Variants in FRMD4A observed in about 807,000 individuals in gnomAD.
FRMD4A encodes the protein FERM domain-containing protein 4A.
In FRMD4A, 29 loss-of-function variants were observed where a neutral mutation model predicts 129.1. The ratio of observed to expected loss-of-function variants is 0.22; its 90% CI spans 0.17 to 0.31. The LOEUF (loss-of-function observed/expected upper bound fraction) is 0.31. Among genes scored for constraint, FRMD4A ranks in the 10% least tolerant of loss-of-function variants. The probability of loss-of-function intolerance (pLI) is 1.00; values close to 1 mark genes in which losing one functional copy is unlikely to be tolerated. For synonymous variants in FRMD4A, 634 were observed against 571.6 expected, an observed-to-expected ratio of 1.11 and a Z score of -1.56; for missense variants, 1,272 against 1,375.8, an observed-to-expected ratio of 0.92 and a Z score of 1.19.
At chr10:14,083,407 C>T (rs1836049500) in intron 2 of FRMD4A, 1 of 152,256 alleles carries the variant, frequency 6.6e-6, no homozygotes. Flanking sequence ...TGTGACACCG[C>T]AGAGGACCTG....
At chr10:13,820,082 G>A (rs1398349087) in intron 3 of FRMD4A, among the ~76,000 whole-genome samples, 1 of 152,154 alleles carries the variant, frequency 6.6e-6, no homozygotes, top group Non-Finnish European at 1.5e-5. Flanking sequence ...CCTGAGTGAT[G>A]AGTGATGAAG....
chr10:13,722,775 G>C (rs1383771471), intron 12 of FRMD4A, among the ~76,000 whole-genome samples: 1 of 152,224 alleles, frequency 6.6e-6, no homozygotes, highest in Non-Finnish European at 1.5e-5. Context: ...CGGTTAGCTG[G>C]GTATCCACGC....
chr10:13,973,866 C>T (rs1228339643), intron 2 of FRMD4A, among the ~76,000 whole-genome samples: 1 of 147,018 alleles, frequency 6.8e-6, no homozygotes, highest in Non-Finnish European at 1.5e-5. Flanking sequence ...TAGCTAACTG[C>T]ATTGGTATTT....
intron 2 of FRMD4A, among the ~76,000 whole-genome samples, chr10:14,064,296 A>G (rs1834953372): frequency 6.6e-6 from 1 of 152,254 alleles, no homozygotes. Flanking sequence ...ATGTGTTCCC[A>G]GTTGCACTTT....
intron 2 of FRMD4A, among the ~76,000 whole-genome samples, chr10:14,075,768 G>A (rs1835557426): frequency 6.8e-6 from 1 of 147,270 alleles, no homozygotes; most frequent in Non-Finnish European, 1.5e-5. Context: ...ACACACATAT[G>A]TATATGCACA....
rs79336106 is a variant in FRMD4A, at chr10:13,930,749, C to G, written c.46-71837G>C. On this transcript the variant is annotated intron_variant, in intron 2 of 24. Coordinates refer to ENST00000357447, the MANE Select transcript of FRMD4A (RefSeq NM_018027.5). Reference sequence around the variant, plus strand: ...AATTAAGAATAAAAAGGCAAAAGAGCCTTTAATTGCTATAGAATCCCAGAG... The same window carrying G: ...AATTAAGAATAAAAAGGCAAAAGAGGCTTTAATTGCTATAGAATCCCAGAG... 4.9e-3 allele frequency among the ~76,000 whole-genome samples: 741 copies of G among 152,176 alleles called. 7 individuals are homozygous for G. Among genetic ancestry groups the G allele is most frequent in the African/African-American group, 0.017 (721 of 41,518 alleles).
chr10:14,280,844 A>G (rs1380489888), intron 2 of FRMD4A, among the ~76,000 whole-genome samples: 1 of 152,100 alleles, frequency 6.6e-6, no homozygotes, highest in Non-Finnish European at 1.5e-5. Context: ...TATAGGCTCA[A>G]TGGTGTTCTC....
chr10:14,236,423 G>A (rs1017010895), intron 2 of FRMD4A, among the ~76,000 whole-genome samples: 2 of 152,180 alleles, frequency 1.3e-5, no homozygotes, highest in Non-Finnish European at 2.9e-5. Flanking sequence ...AGCAGGAGCC[G>A]AGGTCTAGGT....
chr10:13,729,143 C>A (rs1406176658), intron 12 of FRMD4A, among the ~76,000 whole-genome samples: 1 of 19,178 alleles, frequency 5.2e-5, no homozygotes, highest in Non-Finnish European at 1.7e-4. Context: ...GCATGGAAAG[C>A]GTTCAGGTCC....
chr10:13,690,917 T>C (rs140541227), intron 15 of FRMD4A, among the ~76,000 whole-genome samples: 152 of 152,334 alleles, frequency 1.0e-3, no homozygotes, highest in African/African-American at 3.5e-3. Flanking sequence ...CCAGATTGAT[T>C]AGCAAAGTCC....
At chr10:14,236,596 G>C (rs1223658413) in intron 2 of FRMD4A, among the ~76,000 whole-genome samples, 9 of 152,096 alleles carry the variant, frequency 5.9e-5, no homozygotes, top group African/African-American at 1.9e-4. Flanking sequence ...GACCAGACAA[G>C]GGCTTCCAAT....
chr10:14,120,455 C>T (rs1396751746), intron 2 of FRMD4A, among the ~76,000 whole-genome samples: 1 of 152,204 alleles, frequency 6.6e-6, no homozygotes, highest in African/African-American at 2.4e-5. Context: ...TTCCTCCATA[C>T]AGCAGCTGTT....
intron 2 of FRMD4A, among the ~76,000 whole-genome samples, chr10:14,227,079 G>C (rs575643633): frequency 6.6e-6 from 1 of 151,892 alleles, no homozygotes; most frequent in Non-Finnish European, 1.5e-5. Flanking sequence ...GCACATGCCC[G>C]CAAGATGGAT....
At chr10:14,126,104 G>T (rs1193518867) in intron 2 of FRMD4A, among the ~76,000 whole-genome samples, 1 of 151,370 alleles carries the variant, frequency 6.6e-6, no homozygotes, top group Non-Finnish European at 1.5e-5. Flanking sequence ...GAAAAATTAG[G>T]GTTTTCTCTA....
At chr10:13,752,855 A>C (rs76726245) in intron 8 of FRMD4A, among the ~76,000 whole-genome samples, 2,022 of 152,302 alleles carry the variant, frequency 0.013, 81 homozygotes, top group South Asian at 0.12. Context: ...ATCTTTTTGC[A>C]TGAGGCAATG....
intron 2 of FRMD4A, among the ~76,000 whole-genome samples, chr10:13,927,694 T>C (rs2131275765): frequency 6.6e-6 from 1 of 152,292 alleles, no homozygotes; most frequent in East Asian, 1.9e-4. Context: ...AACTATAAAT[T>C]CTATAAATGT....
At chr10:13,916,524 C>A (rs1450273313) in intron 2 of FRMD4A, among the ~76,000 whole-genome samples, 1 of 152,184 alleles carries the variant, frequency 6.6e-6, no homozygotes, top group East Asian at 1.9e-4. Context: ...CTCTATTTCA[C>A]CTAGTCCCAT....
intron 2 of FRMD4A, among the ~76,000 whole-genome samples, chr10:13,905,510 C>G (rs939115255): frequency 7.2e-5 from 11 of 152,146 alleles, no homozygotes; most frequent in African/African-American, 2.7e-4. Flanking sequence ...GCCCCTTGTG[C>G]TCTTTACAAA....
intron 2 of FRMD4A, among the ~76,000 whole-genome samples, chr10:14,270,321 C>T (rs1845122311): frequency 6.6e-6 from 1 of 152,214 alleles, no homozygotes; most frequent in Non-Finnish European, 1.5e-5. Flanking sequence ...TCAGTTCTGT[C>T]TCTCTGGAAA....
Sources: gnomAD v4.1 joint callset for allele counts (sites outside exome capture counted in the v4.1 genomes callset) on GRCh38, gnomAD v4.1.1 for gene constraint, MANE v1.5 for transcripts, NCBI Gene and HGNC (gene_info 2026-07-23, HGNC 2026-07-21) for gene names.